The following ADD3 variants were observed in gnomAD, a reference collection of about 807,000 sequenced individuals.
ADD3 encodes the protein gamma-adducin.
In ADD3, 25 loss-of-function variants were observed where a neutral mutation model predicts 80.2. The observed-to-expected ratio is 0.31, with a 90% CI of 0.23 to 0.44. The LOEUF is 0.44. Among genes scored for constraint, ADD3 ranks in the 20% least tolerant of loss-of-function variants. The pLI is 1.00. For missense variants in ADD3, 829 were observed against 847.5 expected, an observed-to-expected ratio of 0.98 and a Z score of 0.27; for synonymous variants, 284 against 289.6, an observed-to-expected ratio of 0.98 and a Z score of 0.20.
chr10:110,103,194 T>G (rs1392759112), intron 2 of ADD3, among the ~76,000 whole-genome samples: 2 of 152,248 alleles, frequency 1.3e-5, no homozygotes, highest in Non-Finnish European at 2.9e-5. Context: ...CAACAGAAAC[T>G]TCACCAAGGG....
chr10:110,025,850 G>A lies in ADD3; in HGVS notation c.-30+17551G>A, dbSNP rs531781754. Among the ~76,000 whole-genome samples the A allele has an allele frequency of 1.3e-4, 20 of 152,162 alleles. No homozygotes were observed. In the East Asian group the frequency reaches 3.7e-3, roughly 28 times the overall value. On this transcript the variant is annotated intron_variant, in intron 1 of 14. Coordinates refer to ENST00000356080, the MANE Select transcript of ADD3 (RefSeq NM_016824.5). ...CTGACCTTCCCTAGAGCAGGGTTTG[G>A]ACAGGATGAGAGACCCCAATCTCTC...
intron 1 of ADD3, chr10:110,076,975 C>T (rs1590009249): frequency 6.6e-6 from 1 of 152,152 alleles, no homozygotes; most frequent in Non-Finnish European, 1.5e-5. Flanking sequence ...TGTTGTTTCC[C>T]CCAGAGTGAG....
chr10:110,112,808 A>G lies in ADD3; in HGVS notation c.227A>G (p.Gln76Arg). 1 of 1,614,100 alleles carries G rather than the reference A, an allele frequency of 6.2e-7. No homozygotes were observed. Among genetic ancestry groups the G allele is most frequent in the Non-Finnish European group, 8.5e-7 (1 of 1,179,978 alleles). The change falls in exon 3 of 15, where the codon CAA becomes CGA. Residue 76 changes from glutamine (Q) to arginine (R), a missense_variant. By Grantham distance (43) the Gln-to-Arg change is conservative. Coordinates refer to ENST00000356080, the MANE Select transcript of ADD3 (RefSeq NM_016824.5). ...AFREDLECLI[Q>R]EQMKKGHNPT... The stretch of plus-strand genomic sequence containing the variant: ...CGGGAAGACTTGGAATGCCTTATTC[A>G]AGAACAGATGAAGAAAGGCCACAAC...
chr10:110,104,981 T>C (rs908630111), intron 2 of ADD3, among the ~76,000 whole-genome samples: 25 of 152,326 alleles, frequency 1.6e-4, no homozygotes, highest in Admixed American at 8.5e-4. Flanking sequence ...TATCATCTTA[T>C]TCATCTTCAA....
intron 1 of ADD3, among the ~76,000 whole-genome samples, chr10:110,011,431 T>G (rs1009403185): frequency 1.4e-4 from 21 of 152,340 alleles, no homozygotes; most frequent in Middle Eastern, 3.4e-3. Flanking sequence ...TTAGAATTAT[T>G]GTAGATAGAT....
chr10:110,031,891 T>C lies in ADD3; in HGVS notation c.-30+23592T>C, dbSNP rs192356873. Among the ~76,000 whole-genome samples the C allele has an allele frequency of 2.7e-4, 41 of 151,312 alleles. 1 individual carries two copies. In the East Asian group the frequency reaches 6.6e-3, roughly 24 times the overall value. ...TGCATAAATCAGTCTAATTGACATA[T>C]GTATTACCTCAATACTTTTTTTTTT... On this transcript the variant is annotated intron_variant, in intron 1 of 14. Coordinates refer to ENST00000356080, the MANE Select transcript of ADD3 (RefSeq NM_016824.5).
chr10:110,043,315 CT>C (rs956939163), intron 1 of ADD3, among the ~76,000 whole-genome samples: 1 of 151,846 alleles, frequency 6.6e-6, no homozygotes, highest in Non-Finnish European at 1.5e-5. Context: ...TCCCAGGTTT[CT>C]TTTTTTTAAA....
intron 1 of ADD3, among the ~76,000 whole-genome samples, chr10:110,046,960 C>T (rs934806078): frequency 6.6e-6 from 1 of 151,870 alleles, no homozygotes; most frequent in Admixed American, 6.6e-5. Context: ...TTCAGTGATT[C>T]TGAAGTGATG....
chr10:110,058,432 A>G (rs1220460543), intron 1 of ADD3, among the ~76,000 whole-genome samples: 4 of 152,132 alleles, frequency 2.6e-5, no homozygotes, highest in South Asian at 2.1e-4. Flanking sequence ...TGCTTTCTAC[A>G]TATTGCTGAT....
chr10:110,038,654 CAT>C (rs1189805381), intron 1 of ADD3, among the ~76,000 whole-genome samples: 2 of 152,220 alleles, frequency 1.3e-5, no homozygotes, highest in East Asian at 1.9e-4. Flanking sequence ...CACACATATA[CAT>C]ATATATGTTA....
intron 1 of ADD3, among the ~76,000 whole-genome samples, chr10:110,040,964 G>GTCTCTCTCTGTC (rs1856270673): frequency 1.3e-5 from 2 of 149,402 alleles, no homozygotes; most frequent in African/African-American, 5.0e-5. Context: ...GTCTCTCTCT[G>GTCTCTCTCTGTC]TCTCTCTCTC....
intron 1 of ADD3, among the ~76,000 whole-genome samples, chr10:110,040,964 G>GTC (rs66979569): frequency 0.083 from 12,338 of 149,394 alleles, 1,601 homozygotes; most frequent in African/African-American, 0.29. Context: ...GTCTCTCTCT[G>GTC]TCTCTCTCTC....
chr10:109,996,473 A>G (rs1851382399), intron 1 of ADD3: 1 of 152,234 alleles, frequency 6.6e-6, no homozygotes, highest in African/African-American at 2.4e-5. Flanking sequence ...TTAGCGTTTT[A>G]AAGAGTCATA....
intron 1 of ADD3, among the ~76,000 whole-genome samples, chr10:110,098,447 T>A (rs1437404570): frequency 2.0e-5 from 3 of 152,192 alleles, no homozygotes; most frequent in Non-Finnish European, 4.4e-5. Flanking sequence ...TCAGAGAGCT[T>A]GAAAATGTTT....
chr10:110,100,830 T>C lies in ADD3; in HGVS notation c.177T>C (p.Thr59=). 3 of 1,607,620 alleles carry C rather than the reference T, an allele frequency of 1.9e-6. No individual in the cohort carries two copies. The highest frequency in any genetic ancestry group is 2.5e-6 in the Non-Finnish European group (3 of 1,177,464). The change falls in exon 2 of 15, where the codon ACT becomes ACC. Residue 59 remains threonine, a synonymous_variant. Coordinates refer to ENST00000356080, the MANE Select transcript of ADD3 (RefSeq NM_016824.5). ...FNMMEQRKRV[T]QILQSPAFRE... ...TGATGGAGCAGAGGAAACGAGTTACTCAGATCCTGCAAAGTCCTGTGAGTT... is the reference window on the plus strand; with the variant it reads ...TGATGGAGCAGAGGAAACGAGTTACCCAGATCCTGCAAAGTCCTGTGAGTT...
rs192113021 is a variant in ADD3 at position 110,045,325 on chromosome 10, G to A, written c.-30+37026G>A. ...GCCGAGATTGTGCCACTGCACTCCA[G>A]CCTGGGTAACACAGCAAGACTCTGT... On this transcript the variant is annotated intron_variant, in intron 1 of 14. Coordinates refer to ENST00000356080, the MANE Select transcript of ADD3 (RefSeq NM_016824.5). Among the ~76,000 whole-genome samples, 1,220 of 152,226 alleles carry A rather than the reference G, an allele frequency of 8.0e-3. 6 individuals are homozygous for A. The highest frequency in any genetic ancestry group is 0.034 in the Middle Eastern group (10 of 294).
At chr10:110,047,515 C>T (rs1326239193) in intron 1 of ADD3, among the ~76,000 whole-genome samples, 1 of 152,172 alleles carries the variant, frequency 6.6e-6, no homozygotes, top group Non-Finnish European at 1.5e-5. Flanking sequence ...ATCAGAACCT[C>T]TGTAGGTTGA....
At chr10:110,057,917 C>G (rs1858403865) in intron 1 of ADD3, among the ~76,000 whole-genome samples, 1 of 152,106 alleles carries the variant, frequency 6.6e-6, no homozygotes, top group South Asian at 2.1e-4. Context: ...AAAGCTGATG[C>G]TAGATAATCA....
At chr10:110,084,914 C>T (rs1367179639) in intron 1 of ADD3, among the ~76,000 whole-genome samples, 1 of 152,134 alleles carries the variant, frequency 6.6e-6, no homozygotes, top group East Asian at 1.9e-4. Context: ...AATGTTTTCT[C>T]TTTTTCCTGA....
Sources: allele counts gnomAD v4.1 joint callset (sites outside exome capture counted in the v4.1 genomes callset), GRCh38; gene constraint gnomAD v4.1.1; transcripts MANE v1.5; gene names NCBI Gene and HGNC (gene_info 2026-07-23, HGNC 2026-07-21).